SFSWAP: variants seen among roughly 807,000 people sequenced by gnomAD.
The protein encoded by SFSWAP is splicing factor SWAP, also known as splicing factor, suppressor of white-apricot homolog.
SFSWAP carries 17 observed loss-of-function variants against 100.7 expected under a neutral mutation model. That is an observed-to-expected ratio of 0.17 (90% CI 0.12 to 0.25). The LOEUF (loss-of-function observed/expected upper bound fraction) is 0.25. Among genes scored for constraint, SFSWAP ranks in the 10% least tolerant of loss-of-function variants. The pLI is 1.00. For synonymous variants in SFSWAP, 504 were observed against 510.1 expected (o/e 0.99, Z 0.16); for missense variants, 1,005 against 1,262.6 (o/e 0.80, Z 3.09).
intron 4 of SFSWAP, among the ~76,000 whole-genome samples, chr12:131,721,429 A>G (rs141635582): frequency 1.3e-5 from 2 of 152,242 alleles, no homozygotes; most frequent in Non-Finnish European, 1.5e-5. Flanking sequence ...TTGTATTCCT[A>G]TTTGTTCTGA....
In SFSWAP at chr12:131,786,607, A is replaced by G; in HGVS notation, c.2534+19A>G. ...GCTCCAGGTAGGCCACTGGGTGTGCACGCAGGTGCTGGATGTGGGCCAGGT... is the reference window on the plus strand; with the variant it reads ...GCTCCAGGTAGGCCACTGGGTGTGCGCGCAGGTGCTGGATGTGGGCCAGGT... On this transcript the variant is annotated intron_variant, in intron 15 of 17. Coordinates refer to ENST00000261674, the MANE Select transcript of SFSWAP (RefSeq NM_004592.4). The G allele has an allele frequency of 6.3e-7, 1 of 1,582,728 alleles. No individual in the cohort carries two copies. Among genetic ancestry groups the G allele is most frequent in the Non-Finnish European group, 8.6e-7 (1 of 1,165,832 alleles).
chr12:131,744,336 A>G (rs527243607), intron 7 of SFSWAP, among the ~76,000 whole-genome samples: 16 of 152,322 alleles, frequency 1.1e-4, no homozygotes, highest in African/African-American at 3.6e-4. Context: ...TCACCTCTCA[A>G]ATGCATTGCT....
chr12:131,737,977 A>G (rs1453437587), intron 7 of SFSWAP, among the ~76,000 whole-genome samples: 3 of 152,140 alleles, frequency 2.0e-5, no homozygotes, highest in Non-Finnish European at 4.4e-5. Flanking sequence ...AAATCCTTAT[A>G]GAAGAGTATA....
intron 7 of SFSWAP, among the ~76,000 whole-genome samples, chr12:131,738,461 TG>T (rs1880253316): frequency 6.6e-6 from 1 of 152,254 alleles, no homozygotes; most frequent in Non-Finnish European, 1.5e-5. Context: ...ATTAAAATGT[TG>T]GATGTGTCTC....
chr12:131,755,526 C>T (rs779876013), intron 10 of SFSWAP, 47 bp downstream of exon 10: 19 of 1,366,260 alleles, frequency 1.4e-5, no homozygotes, highest in Non-Finnish European at 1.9e-5. Context: ...AGAGGTGGCT[C>T]CGCCTTCCAG....
intron 13 of SFSWAP, among the ~76,000 whole-genome samples, chr12:131,767,728 A>G (rs1043319631): frequency 1.3e-4 from 20 of 152,236 alleles, no homozygotes; most frequent in Non-Finnish European, 4.4e-5. Context: ...GAATGAACAC[A>G]GGAACAGAAA....
At position 131,753,360 on chromosome 12, in the gene SFSWAP, C is replaced by T. The variant is rs1881847838; in HGVS notation, c.1319C>T (p.Thr440Ile). 1.2e-6 allele frequency: 2 copies of T among 1,612,426 alleles called. No homozygotes were observed. The highest frequency in any genetic ancestry group is 1.7e-6 in the Non-Finnish European group (2 of 1,178,726). ...SSGATSTTTT[T>I]SALAPVAAII... ...GGGGCCACCTCCACAACCACCACCA[C>T]AAGGTAGGTGCAGCGTCCACCGCTG... Residue 440 changes from threonine (T) to isoleucine (I), a missense_variant, in exon 8 of 18, where the codon ACA becomes ATA. This residue lies in a region of SFSWAP where 311 missense variants were observed against 317.8 expected (regional missense o/e 0.98). Transcript: ENST00000261674.
At position 131,754,419 on chromosome 12, in the gene SFSWAP, C is replaced by T. The variant is rs546404723; in HGVS notation, c.1374C>T (p.Pro458=). ...TCCCCCCGCCCCCCGACGTCCAGCC[C>T]GTGATTGACAAGCTGGCCGAGTATG... ...AIIPPPPDVQ[P]VIDKLAEYVA... Residue 458 remains proline, a synonymous_variant, in exon 9 of 18, where the codon CCC becomes CCT. Coordinates refer to ENST00000261674, the MANE Select transcript of SFSWAP (RefSeq NM_004592.4). 19 of 1,601,886 alleles carry T rather than the reference C, an allele frequency of 1.2e-5. No individual in the cohort carries two copies. Among genetic ancestry groups the T allele is most frequent in the Middle Eastern group, 3.3e-4 (2 of 6,030 alleles).
At chr12:131,749,020 G>A (rs201456466) in intron 7 of SFSWAP, among the ~76,000 whole-genome samples, 1 of 152,242 alleles carries the variant, frequency 6.6e-6, no homozygotes, top group East Asian at 1.9e-4. Context: ...TCAACTCGAT[G>A]ATGGTGCACA....
At chr12:131,722,122 T>C (rs1878532714) in intron 4 of SFSWAP, among the ~76,000 whole-genome samples, 1 of 152,212 alleles carries the variant, frequency 6.6e-6, no homozygotes, top group Non-Finnish European at 1.5e-5. Flanking sequence ...ATGGTTTGAC[T>C]CACTGACAAG....
Position 131,754,432 on chromosome 12 carries a change from C to T in SFSWAP, c.1387C>T (p.Leu463=), listed in dbSNP as rs1881955672. The T allele has an allele frequency of 6.2e-7, 1 of 1,603,812 alleles. No individual in the cohort carries two copies. Among genetic ancestry groups the T allele is most frequent in the Non-Finnish European group, 8.5e-7 (1 of 1,176,648 alleles). ...CGACGTCCAGCCCGTGATTGACAAGCTGGCCGAGTATGTCGCCAGGAACGG... is the reference window on the plus strand; with the variant it reads ...CGACGTCCAGCCCGTGATTGACAAGTTGGCCGAGTATGTCGCCAGGAACGG... ...PPDVQPVIDK[L]AEYVARNGLK... Residue 463 remains leucine (L), a synonymous_variant, in exon 9 of 18, where the codon CTG becomes TTG. Coordinates refer to ENST00000261674, the MANE Select transcript of SFSWAP (RefSeq NM_004592.4).
At chr12:131,796,882 G>A (rs1436546781) in intron 15 of SFSWAP, 3 of 310,262 alleles carry the variant, frequency 9.7e-6, no homozygotes, top group Non-Finnish European at 1.8e-5. Context: ...AAGTGGCAAA[G>A]CACTATGAAC....
At chr12:131,768,014 C>A (rs1420810945) in intron 13 of SFSWAP, among the ~76,000 whole-genome samples, 1 of 152,234 alleles carries the variant, frequency 6.6e-6, no homozygotes, top group African/African-American at 2.4e-5. Flanking sequence ...GGAAGATGCC[C>A]CCAGCACCCC....
intron 11 of SFSWAP, among the ~76,000 whole-genome samples, chr12:131,763,313 G>C (rs1882832783): frequency 6.6e-6 from 1 of 152,166 alleles, no homozygotes; most frequent in African/African-American, 2.4e-5. Context: ...TTCCCTCTCA[G>C]TCACCTGGTT....
At chr12:131,787,221 T>C (rs547686145) in intron 15 of SFSWAP, among the ~76,000 whole-genome samples, 1 of 152,300 alleles carries the variant, frequency 6.6e-6, no homozygotes, top group Admixed American at 6.5e-5. Context: ...TGCCACGGGC[T>C]CACCCCTCAC....
chr12:131,719,521 C>A lies in SFSWAP; in HGVS notation c.588C>A (p.Val196=), dbSNP rs1878262866. ...TCGTTGCCCCCTTAGGATTGAGCGT[C>A]CCGTCTGACGTGGAGTTGGTATGTG... ...EPFVAPLGLS[V]PSDVELPPTA... Residue 196 remains valine (V), a synonymous_variant, in exon 4 of 18, where the codon GTC becomes GTA. Transcript: ENST00000261674. 2 of 1,613,820 alleles carry A rather than the reference C, an allele frequency of 1.2e-6. No homozygotes were observed. Among genetic ancestry groups the A allele is most frequent in the East Asian group, 4.5e-5 (2 of 44,868 alleles).
chr12:131,771,792 A>G (rs1883635337), intron 13 of SFSWAP, among the ~76,000 whole-genome samples: 1 of 151,470 alleles, frequency 6.6e-6, no homozygotes, highest in East Asian at 1.9e-4. Context: ...CCTCCCAAGT[A>G]GCTGGGACTA....
chr12:131,732,376 A>G (rs1361197488), intron 7 of SFSWAP, among the ~76,000 whole-genome samples: 1 of 152,208 alleles, frequency 6.6e-6, no homozygotes, highest in Non-Finnish European at 1.5e-5. Flanking sequence ...GACTGTTGTG[A>G]GGACGTCGCT....
chr12:131,772,801 C>G (rs1279809577), intron 13 of SFSWAP, among the ~76,000 whole-genome samples: 1 of 152,180 alleles, frequency 6.6e-6, no homozygotes, highest in Admixed American at 6.5e-5. Context: ...TACCTGAGTT[C>G]TTGTCCGGCG....
Sources: gnomAD v4.1 joint callset for allele counts (sites outside exome capture counted in the v4.1 genomes callset) on GRCh38, gnomAD v4.1.1 for gene constraint, gnomAD v4.1.1 regional missense constraint, MANE v1.5 for transcripts, NCBI Gene and HGNC (gene_info 2026-07-23, HGNC 2026-07-21) for gene names.